The following SNURF variants were observed in gnomAD, a reference collection of about 807,000 sequenced individuals.
The protein encoded by SNURF is SNURF protein.
SNURF carries 6 observed loss-of-function variants against 11.6 expected under a neutral mutation model. That is an observed-to-expected ratio of 0.52 (90% confidence interval 0.28 to 1.02). The LOEUF is 1.02. SNURF is among the 50% of genes least tolerant of loss of function. The pLI is 0.09. For missense variants in SNURF, 84 were observed against 88.4 expected, an observed-to-expected ratio of 0.95 and a Z score of 0.20; for synonymous variants, 29 against 31.6, an observed-to-expected ratio of 0.92 and a Z score of 0.27.
chr15:24,967,145 A>T (rs1304062734), intron 2 of SNURF: 1 of 152,164 alleles, frequency 6.6e-6, no homozygotes, highest in Non-Finnish European at 1.5e-5. Context: ...ACACAGGATA[A>T]TTTGAAAGTG....
intron 2 of SNURF, among the ~76,000 whole-genome samples, chr15:24,966,839 C>G (rs150056374): frequency 1.1e-3 from 175 of 152,260 alleles, no homozygotes; most frequent in East Asian, 5.8e-3. Context: ...TGGTGATCCC[C>G]CAGCTCCTCA....
At chr15:24,968,743 CTT>C (rs979910958), downstream of SNURF, 1 of 152,008 alleles carries the variant, frequency 6.6e-6, no homozygotes, top group African/African-American at 2.4e-5. Context: ...TTTGTTTTGT[CTT>C]TTTCTCACTT....
rs149810760 is a variant in SNURF, at chr15:24,956,701, G to C, written c.14+1639G>C. Among the ~76,000 whole-genome samples the C allele has an allele frequency of 7.6e-3, 1,153 of 152,312 alleles. 4 individuals are homozygous for C. The highest frequency in any genetic ancestry group is 0.012 in the Non-Finnish European group (808 of 68,026). ...TCCTTTCCGGTTGTGGCGCAGTAGA[G>C]GGGGGAGGAGGGAGATGGGTTGGCG... is the stretch of plus-strand genomic sequence containing the variant. On this transcript the variant is annotated intron_variant, in intron 1 of 2. Transcript: ENST00000577949.
intron 4 of SNURF, among the ~76,000 whole-genome samples, chr15:24,976,097 A>G (rs1262765379): frequency 6.6e-6 from 1 of 152,252 alleles, no homozygotes; most frequent in Non-Finnish European, 1.5e-5. Context: ...ACATTCTGTA[A>G]AAGACTAAAG....
intron 2 of SNURF, among the ~76,000 whole-genome samples, chr15:24,964,264 A>G (rs1387183552): frequency 6.6e-6 from 1 of 152,152 alleles, no homozygotes; most frequent in African/African-American, 2.4e-5. Context: ...TGTCCTTTAT[A>G]TATAATAGGT....
downstream of SNURF, among the ~76,000 whole-genome samples, chr15:24,970,228 C>A (rs1439905523): frequency 6.6e-6 from 1 of 152,098 alleles, no homozygotes; most frequent in African/African-American, 2.4e-5. Context: ...TTAAACACTT[C>A]GTACCCGTTT....
intron 1 of SNURF, among the ~76,000 whole-genome samples, chr15:24,960,369 T>TGGCTCTGTCA (rs2074570533): frequency 6.6e-6 from 1 of 152,142 alleles, no homozygotes; most frequent in African/African-American, 2.4e-5. Flanking sequence ...AGGCAGGGTC[T>TGGCTCTGTCA]GGCTCTGTCA....
chr15:24,971,512 A>G (rs2076401025), downstream of SNURF, among the ~76,000 whole-genome samples: 1 of 151,902 alleles, frequency 6.6e-6, no homozygotes, highest in South Asian at 2.1e-4. Context: ...TATCTCTTCT[A>G]GCTATACAGG....
At chr15:24,959,547 C>G (rs537028596) in intron 1 of SNURF, among the ~76,000 whole-genome samples, 1 of 152,286 alleles carries the variant, frequency 6.6e-6, no homozygotes, top group African/African-American at 2.4e-5. Flanking sequence ...TCATATTGAG[C>G]AACTGCCGAA....
downstream of SNURF, among the ~76,000 whole-genome samples, chr15:24,973,696 G>A (rs1053410146): frequency 2.0e-5 from 3 of 152,238 alleles, no homozygotes; most frequent in East Asian, 1.9e-4. Flanking sequence ...CACCTCACCC[G>A]GCCGTTAACG....
rs370183147 is a variant in SNURF at position 24,966,188 on chromosome 15, C to T, written c.111-1744C>T. Among the ~76,000 whole-genome samples the T allele has an allele frequency of 2.3e-4, 35 of 152,224 alleles. 1 individual carries two copies. The highest frequency in any genetic ancestry group is 8.2e-4 in the African/African-American group (34 of 41,542). On this transcript the variant is annotated intron_variant, in intron 2 of 2. Coordinates refer to ENST00000577949, the Ensembl canonical transcript of SNURF. ...GGCACCCACACTTCCGACCAACAGT[C>T]TATAGATTCTGAGGTCCTACTATTT...
At chr15:24,970,738 T>G (rs1382980072), downstream of SNURF, among the ~76,000 whole-genome samples, 1 of 152,202 alleles carries the variant, frequency 6.6e-6, no homozygotes, top group Non-Finnish European at 1.5e-5. Context: ...AAACACATCA[T>G]GAGAAGTGCT....
chr15:24,978,041 T>G, downstream of SNURF: 1 of 1,206,488 alleles, frequency 8.3e-7, no homozygotes, highest in South Asian at 1.5e-5. Context: ...ATACTGGTTT[T>G]TAATGAAAGA....
chr15:24,958,344 A>C (rs1371027612), intron 1 of SNURF, among the ~76,000 whole-genome samples: 1 of 149,156 alleles, frequency 6.7e-6, no homozygotes, highest in Non-Finnish European at 1.5e-5. Flanking sequence ...TGGACAATGA[A>C]GTTTTAAAAA....
chr15:24,971,842 C>T (rs866485201), downstream of SNURF, among the ~76,000 whole-genome samples: 16 of 152,270 alleles, frequency 1.1e-4, no homozygotes, highest in Non-Finnish European at 1.5e-4. Flanking sequence ...CAATCATTGC[C>T]ATGAACTACT....
downstream of SNURF, among the ~76,000 whole-genome samples, chr15:24,972,108 T>C (rs1309635471): frequency 1.3e-5 from 2 of 151,834 alleles, no homozygotes; most frequent in African/African-American, 2.4e-5. Flanking sequence ...ATACAAAAAT[T>C]AGCCGGGTGT....
intron 3 of SNURF, chr15:24,974,515 T>TCCC: frequency 6.5e-7 from 1 of 1,544,824 alleles, no homozygotes; most frequent in Non-Finnish European, 9.0e-7. Flanking sequence ...AAGAAATAGT[T>TCCC]TGCCAGCATG....
chr15:24,972,542 T>C (rs569926952), downstream of SNURF, among the ~76,000 whole-genome samples: 313 of 126,894 alleles, frequency 2.5e-3, no homozygotes, highest in African/African-American at 0.01. Flanking sequence ...TAGAGTATTC[T>C]TTTTTTTTTT....
chr15:24,978,513 G>A, downstream of SNURF: 3 of 1,427,926 alleles, frequency 2.1e-6, no homozygotes, highest in Non-Finnish European at 3.0e-6. Flanking sequence ...TAGAGTGTTT[G>A]TGAGCTTTTT....
Sources: gnomAD v4.1 joint callset for allele counts (sites outside exome capture counted in the v4.1 genomes callset) on GRCh38, gnomAD v4.1.1 for gene constraint, MANE v1.5 for transcripts, NCBI Gene and HGNC (gene_info 2026-07-23, HGNC 2026-07-21) for gene names.